KCNH7: variants seen among roughly 807,000 people sequenced by gnomAD.
KCNH7 encodes the protein potassium voltage-gated channel subfamily H member 7.
In KCNH7, 49 loss-of-function variants were observed where a neutral mutation model predicts 120.8. The observed-to-expected ratio is 0.41, with a 90% CI of 0.32 to 0.51. The LOEUF is 0.51. Among genes scored for constraint, KCNH7 ranks in the 20% least tolerant of loss-of-function variants. The probability of loss-of-function intolerance (pLI) is 0.38; values close to 1 mark genes in which losing one functional copy is unlikely to be tolerated. For synonymous variants in KCNH7, 547 were observed against 516.1 expected, an observed-to-expected ratio of 1.06 and a Z score of -0.81; for missense variants, 1,097 against 1,446.6, an observed-to-expected ratio of 0.76 and a Z score of 3.92.
At chr2:162,529,153 T>A (rs1691826159) in intron 3 of KCNH7, among the ~76,000 whole-genome samples, 2 of 151,922 alleles carry the variant, frequency 1.3e-5, no homozygotes, top group Non-Finnish European at 2.9e-5. Context: ...AAGAAAGATA[T>A]GAGCTGGAGA....
At chr2:162,400,481 T>C (rs1175415267) in intron 9 of KCNH7, 40 bp from the exon 10 acceptor site, 12 of 1,598,792 alleles carry the variant, frequency 7.5e-6, no homozygotes, top group African/African-American at 4.0e-5. Flanking sequence ...ACCAGTGTTC[T>C]GGGTATCTCT....
At chr2:162,595,098 T>G (rs1185942408) in intron 2 of KCNH7, among the ~76,000 whole-genome samples, 1 of 152,070 alleles carries the variant, frequency 6.6e-6, no homozygotes, top group Non-Finnish European at 1.5e-5. Flanking sequence ...CTGGGTAATT[T>G]CTAAACGAGA....
chr2:162,829,430 C>A (rs1685395884), intron 2 of KCNH7, among the ~76,000 whole-genome samples: 1 of 151,968 alleles, frequency 6.6e-6, no homozygotes, highest in Non-Finnish European at 1.5e-5. Flanking sequence ...ATATAAAATG[C>A]CAATAGAGTG....
chr2:162,660,816 C>T (rs534346589), intron 2 of KCNH7, among the ~76,000 whole-genome samples: 17 of 152,130 alleles, frequency 1.1e-4, no homozygotes, highest in Admixed American at 5.2e-4. Context: ...TGGTATATGT[C>T]GAAATAAACA....
At chr2:162,683,036 A>T (rs952236297) in intron 2 of KCNH7, among the ~76,000 whole-genome samples, 1 of 151,874 alleles carries the variant, frequency 6.6e-6, no homozygotes. Context: ...AGAGAAGATG[A>T]TATTGAAATA....
chr2:162,680,890 G>A (rs1487163375), intron 2 of KCNH7, among the ~76,000 whole-genome samples: 1 of 151,774 alleles, frequency 6.6e-6, no homozygotes, highest in African/African-American at 2.4e-5. Flanking sequence ...TTTGGAATTG[G>A]TACAGTTTAG....
chr2:162,539,065 T>A (rs1692210820), intron 2 of KCNH7, among the ~76,000 whole-genome samples: 2 of 152,092 alleles, frequency 1.3e-5, no homozygotes, highest in Admixed American at 1.3e-4. Flanking sequence ...CAGCTATGTC[T>A]CCAATTCATT....
chr2:162,550,920 C>T (rs150534426), intron 2 of KCNH7, among the ~76,000 whole-genome samples: 248 of 145,900 alleles, frequency 1.7e-3, no homozygotes, highest in South Asian at 0.015. Context: ...AATAATAAGG[C>T]ACTACATTTT....
intron 2 of KCNH7, among the ~76,000 whole-genome samples, chr2:162,809,671 G>C (rs1297024299): frequency 6.6e-6 from 1 of 151,972 alleles, no homozygotes; most frequent in Non-Finnish European, 1.5e-5. Flanking sequence ...TTTTCTTTTA[G>C]GACAAGGATA....
At position 162,681,081 on chromosome 2, in the gene KCNH7, G is replaced by A. The variant is rs558624713; in HGVS notation, c.308-144001C>T. Among the ~76,000 whole-genome samples the A allele has an allele frequency of 9.2e-5, 14 of 151,792 alleles. No homozygotes were observed. The East Asian group carries it at 2.5e-3, about 27-fold the overall frequency. ...ATTATCTCTATGGCCTAGGATTATG[G>A]GAAAGTTTATTGCTCATTTCTGAGA... On this transcript the variant is annotated intron_variant, in intron 2 of 15. Transcript: ENST00000332142.
chr2:162,779,467 G>A (rs1275503619), intron 2 of KCNH7, among the ~76,000 whole-genome samples: 4 of 152,048 alleles, frequency 2.6e-5, no homozygotes, highest in African/African-American at 9.7e-5. Context: ...CCAAAGTGCT[G>A]GAATTACAGG....
intron 2 of KCNH7, among the ~76,000 whole-genome samples, chr2:162,621,564 T>G (rs1172222057): frequency 6.6e-6 from 1 of 152,136 alleles, no homozygotes; most frequent in East Asian, 1.9e-4. Flanking sequence ...ACTTGCTGAG[T>G]GGGTGAATAA....
intron 12 of KCNH7, among the ~76,000 whole-genome samples, chr2:162,387,025 A>G (rs1558920011): frequency 6.6e-6 from 1 of 151,474 alleles, no homozygotes; most frequent in Non-Finnish European, 1.5e-5. Flanking sequence ...TATACATAGG[A>G]CAGAATTCTT....
chr2:162,426,031 T>A (rs1687850218), intron 8 of KCNH7, among the ~76,000 whole-genome samples: 1 of 151,920 alleles, frequency 6.6e-6, no homozygotes, highest in Non-Finnish European at 1.5e-5. Context: ...CTGGGCAAGA[T>A]GGCAAAACCC....
rs180677827 is a variant in KCNH7, at chr2:162,427,066, A to T, written c.1955-3531T>A. On this transcript the variant is annotated intron_variant, in intron 8 of 15. Transcript: ENST00000332142. Reference sequence around the variant, plus strand: ...TGTATCAGTAATTTGTTTTTTTTTTAACTGCTGAATTGATGTGCATCATAT... The same window carrying T: ...TGTATCAGTAATTTGTTTTTTTTTTTACTGCTGAATTGATGTGCATCATAT... Among the ~76,000 whole-genome samples, 1,504 of 150,820 alleles carry T rather than the reference A, an allele frequency of 1.0e-2. 10 individuals are homozygous for T. The highest frequency in any genetic ancestry group is 0.017 in the Middle Eastern group (5 of 294).
At chr2:162,567,420 C>T (rs1285482785) in intron 2 of KCNH7, among the ~76,000 whole-genome samples, 1 of 151,886 alleles carries the variant, frequency 6.6e-6, no homozygotes, top group Non-Finnish European at 1.5e-5. Context: ...GCGGATGTTA[C>T]CACTATCATA....
At chr2:162,433,269 G>GA (rs1231191001) in intron 8 of KCNH7, among the ~76,000 whole-genome samples, 4 of 152,122 alleles carry the variant, frequency 2.6e-5, no homozygotes, top group Non-Finnish European at 4.4e-5. Context: ...CACAGAATTA[G>GA]AAAAAACGAT....
At chr2:162,703,249 T>C (rs994562029) in intron 2 of KCNH7, among the ~76,000 whole-genome samples, 2 of 152,154 alleles carry the variant, frequency 1.3e-5, no homozygotes, top group African/African-American at 2.4e-5. Context: ...ATCTCTACTT[T>C]GTATTTGAGA....
chr2:162,620,158 A>ATG (rs1683296731), intron 2 of KCNH7, among the ~76,000 whole-genome samples: 1 of 149,790 alleles, frequency 6.7e-6, no homozygotes, highest in East Asian at 1.9e-4. Context: ...ATAGATATAT[A>ATG]TATAGAGAGA....
Sources: allele counts gnomAD v4.1 joint callset (sites outside exome capture counted in the v4.1 genomes callset), GRCh38; gene constraint gnomAD v4.1.1; transcripts MANE v1.5; gene names NCBI Gene and HGNC (gene_info 2026-07-23, HGNC 2026-07-21).